JHY: variants seen among roughly 807,000 people sequenced by gnomAD.
JHY encodes the protein jhy protein homolog.
In JHY, 69 loss-of-function variants were observed where a neutral mutation model predicts 78.0. The observed-to-expected ratio is 0.88, with a 90% CI of 0.73 to 1.08. The LOEUF (loss-of-function observed/expected upper bound fraction) is 1.08. Ranked by LOEUF, JHY falls within the 50% of genes least tolerant of loss-of-function variation. JHY has a pLI of 0.00. For missense variants in JHY, 944 were observed against 927.8 expected, an observed-to-expected ratio of 1.02 and a Z score of -0.23; for synonymous variants, 368 against 342.6, an observed-to-expected ratio of 1.07 and a Z score of -0.82.
Position 122,898,893 on chromosome 11 carries a change from T to C in JHY, c.345-5032T>C, listed in dbSNP as rs1228339252. 6.6e-6 allele frequency among the ~76,000 whole-genome samples: 1 copy of C among 152,248 alleles called. No homozygotes were observed. Among genetic ancestry groups the C allele is most frequent in the East Asian group, 1.9e-4 (1 of 5,196 alleles). On this transcript the variant is annotated intron_variant, in intron 2 of 8. Transcript: ENST00000227349. This position sits in a 1 kb window ranked among gnomAD's most constrained non-coding sequence, Gnocchi z 4.4. Reference sequence around the variant, plus strand: ...CCTGCCCTCCTCTCACCCTCCATTTTGTCCACACAGAATTTGTTCTATGAA... The same window carrying C: ...CCTGCCCTCCTCTCACCCTCCATTTCGTCCACACAGAATTTGTTCTATGAA...
intron 5 of JHY, among the ~76,000 whole-genome samples, chr11:122,941,124 A>G (rs916423052): frequency 4.6e-5 from 7 of 152,164 alleles, no homozygotes; most frequent in African/African-American, 7.2e-5. Flanking sequence ...AGTTTCTCCA[A>G]AAAACCCTAA....
chr11:122,955,578 C>T (rs1864173295), intron 6 of JHY, among the ~76,000 whole-genome samples: 2 of 152,248 alleles, frequency 1.3e-5, no homozygotes, highest in South Asian at 4.1e-4. Flanking sequence ...TGCTTTCTGT[C>T]CTTTTAAATG....
chr11:122,956,436 T>C, intron 6 of JHY, 60 bp from the exon 7 acceptor site: 1 of 1,472,312 alleles, frequency 6.8e-7, no homozygotes, highest in Non-Finnish European at 9.5e-7. Flanking sequence ...TTACAGGGTG[T>C]TAGGAGTCGG....
chr11:122,940,626 A>G (rs1176064203), intron 5 of JHY, among the ~76,000 whole-genome samples: 1 of 152,184 alleles, frequency 6.6e-6, no homozygotes, highest in Non-Finnish European at 1.5e-5. Context: ...CTTTATAAGT[A>G]ATTATTAATA....
chr11:122,949,336 G>A (rs1806997226), intron 6 of JHY, among the ~76,000 whole-genome samples: 1 of 152,064 alleles, frequency 6.6e-6, no homozygotes, highest in African/African-American at 2.4e-5. Flanking sequence ...TTTTAAACTG[G>A]TTGGATTTGT....
At chr11:122,939,169 G>C (rs528195229) in intron 5 of JHY, among the ~76,000 whole-genome samples, 3 of 151,946 alleles carry the variant, frequency 2.0e-5, no homozygotes, top group South Asian at 4.2e-4. Context: ...TGGATTTTTG[G>C]TAGAGACAGG....
rs914915676 is a variant in JHY at position 122,934,467 on chromosome 11, T to C, written c.1026T>C (p.Asn342=). 6.2e-7 allele frequency: 1 copy of C among 1,613,820 alleles called. No individual in the cohort carries two copies. Among genetic ancestry groups the C allele is most frequent in the Non-Finnish European group, 8.5e-7 (1 of 1,179,844 alleles). The change falls in exon 5 of 9, where the codon AAT becomes AAC. Residue 342 remains asparagine (N), a synonymous_variant. Transcript: ENST00000227349. ...WSQYESTKSS[N]VPRGQPSDMV... ...AATATGAAAGTACAAAATCAAGCAA[T>C]GTACCAAGAGGGCAACCTTCTGACA...
rs1051009636 is a variant in JHY, at chr11:122,903,956, C to T, written c.376C>T (p.Leu126Phe). 6.2e-6 allele frequency: 10 copies of T among 1,606,686 alleles called. No homozygotes were observed. The highest frequency in any genetic ancestry group is 1.7e-5 in the Admixed American group (1 of 59,434). The part of the protein sequence containing the change: ...QQPIEDKYSD[L>F]RYDPNWKSKK... ...ACCAATAGAAGACAAATATTCAGAC[C>T]TCCGCTATGACCCGAACTGGAAGAG... The change falls in exon 3 of 9, where the codon CTC (leucine) becomes TTC (phenylalanine). Residue 126 changes from leucine to phenylalanine, a missense_variant. By Grantham distance (22) the Leu-to-Phe change is conservative. Coordinates refer to ENST00000227349, the MANE Select transcript of JHY (RefSeq NM_024806.4).
intron 2 of JHY, among the ~76,000 whole-genome samples, chr11:122,886,878 G>C (rs1324567716): frequency 1.3e-5 from 2 of 152,172 alleles, no homozygotes; most frequent in East Asian, 3.8e-4. Context: ...CCCATTCAAA[G>C]CTAGTAGAGG....
chr11:122,929,532 AT>A (rs1565326098), intron 4 of JHY, among the ~76,000 whole-genome samples: 2 of 152,116 alleles, frequency 1.3e-5, no homozygotes, highest in Non-Finnish European at 2.9e-5. Flanking sequence ...AAAAGTTGAC[AT>A]AGTTGGTAAG....
At chr11:122,892,021 G>A (rs1862625601) in intron 2 of JHY, among the ~76,000 whole-genome samples, 1 of 152,182 alleles carries the variant, frequency 6.6e-6, no homozygotes, top group Non-Finnish European at 1.5e-5. Context: ...ATTTTTAGAG[G>A]ATACTGTGAC....
intron 3 of JHY, among the ~76,000 whole-genome samples, chr11:122,924,410 C>T (rs1036975548): frequency 6.6e-6 from 1 of 152,152 alleles, no homozygotes; most frequent in Non-Finnish European, 1.5e-5. Flanking sequence ...GGGGTAATAA[C>T]ATATGCATAC....
intron 3 of JHY, among the ~76,000 whole-genome samples, chr11:122,909,919 C>T (rs1328096282): frequency 1.3e-5 from 2 of 152,086 alleles, no homozygotes; most frequent in Admixed American, 1.3e-4. Context: ...ACATTTTGCA[C>T]CTAGTAATTT....
intron 2 of JHY, among the ~76,000 whole-genome samples, chr11:122,887,187 T>C (rs1174479426): frequency 6.6e-6 from 1 of 152,250 alleles, no homozygotes; most frequent in African/African-American, 2.4e-5. Flanking sequence ...AGTCCAATTA[T>C]ATTTCTGTGC....
At chr11:122,907,169 G>T (rs1229952755) in intron 3 of JHY, among the ~76,000 whole-genome samples, 1 of 151,964 alleles carries the variant, frequency 6.6e-6, no homozygotes, top group East Asian at 1.9e-4. Context: ...ACTTTAAAAA[G>T]AATAGAGATG....
At chr11:122,915,225 T>G (rs776860846) in intron 3 of JHY, among the ~76,000 whole-genome samples, 2 of 152,192 alleles carry the variant, frequency 1.3e-5, no homozygotes, top group South Asian at 2.1e-4. Flanking sequence ...GCTATGGCAA[T>G]GTGATCGCTT....
In JHY at chr11:122,962,004, A is replaced by G. The variant is rs1189759170; in HGVS notation, c.*2559A>G. The stretch of plus-strand genomic sequence containing the variant: ...ATTTGCTGGCCATTTTGCCATCACA[A>G]ATATCTTAAAATATTGTCAAATGTG... On this transcript the variant is annotated 3_prime_UTR_variant, in exon 9 of 9. Transcript: ENST00000227349. Among the ~76,000 whole-genome samples, 1 of 152,174 alleles carries G rather than the reference A, an allele frequency of 6.6e-6. No individual in the cohort carries two copies. The highest frequency in any genetic ancestry group is 2.4e-5 in the African/African-American group (1 of 41,440).
At position 122,893,462 on chromosome 11, in the gene JHY, A is replaced by G. The variant is rs574619947; in HGVS notation, c.344+7269A>G. Among the ~76,000 whole-genome samples, 13 of 152,316 alleles carry G rather than the reference A, an allele frequency of 8.5e-5. No individual in the cohort carries two copies. The East Asian group carries it at 2.1e-3, about 25-fold the overall frequency. On this transcript the variant is annotated intron_variant, in intron 2 of 8. Coordinates refer to ENST00000227349, the MANE Select transcript of JHY (RefSeq NM_024806.4). The stretch of plus-strand genomic sequence containing the variant: ...CTTGTTGCCCCCGGAGACAACCACT[A>G]GTTCCTTCCTAGGTTATTTCAAAAC...
Position 122,886,216 on chromosome 11 carries a change from A to T in JHY, c.344+23A>T, listed in dbSNP as rs1426801216. ...CAGGTAAGGAATTGGCTTGTGTAAG[A>T]TAATAATGGGCTCTAAAATGTATCA... is the stretch of plus-strand genomic sequence containing the variant. On this transcript the variant is annotated intron_variant, in intron 2 of 8. Transcript: ENST00000227349. 4 of 1,572,986 alleles carry T rather than the reference A, an allele frequency of 2.5e-6. No homozygotes were observed. The Admixed American group carries it at 7.3e-5, about 29-fold the overall frequency.
Sources: gnomAD v4.1 joint callset for allele counts (sites outside exome capture counted in the v4.1 genomes callset) on GRCh38, gnomAD v4.1.1 for gene constraint, Gnocchi (gnomAD v3.1) non-coding constraint, MANE v1.5 for transcripts, NCBI Gene and HGNC (gene_info 2026-07-23, HGNC 2026-07-21) for gene names.